MAP3K13: variants seen among roughly 807,000 people sequenced by gnomAD.
MAP3K13 encodes the protein mitogen-activated protein kinase kinase kinase 13, also known as leucine zipper-bearing kinase.
In MAP3K13, 52 loss-of-function variants were observed where a neutral mutation model predicts 104.0. The ratio of observed to expected loss-of-function variants is 0.50; its 90% CI spans 0.40 to 0.63. MAP3K13 has a LOEUF of 0.63. Among genes scored for constraint, MAP3K13 ranks in the 20% least tolerant of loss-of-function variants. The pLI is 0.00. For missense variants in MAP3K13, 914 were observed against 1,218.5 expected (o/e 0.75, Z 3.72); for synonymous variants, 394 against 442.2 (o/e 0.89, Z 1.37).
intron 1 of MAP3K13, among the ~76,000 whole-genome samples, chr3:185,409,154 G>A (rs1215027600): frequency 6.6e-6 from 1 of 152,148 alleles, no homozygotes; most frequent in Non-Finnish European, 1.5e-5. Context: ...GATCACTTGA[G>A]GTCAGGAGTT....
intron 1 of MAP3K13, among the ~76,000 whole-genome samples, chr3:185,374,137 T>G (rs888556194): frequency 3.0e-5 from 2 of 66,500 alleles, no homozygotes; most frequent in African/African-American, 6.2e-5. Context: ...AAGGCTATTT[T>G]CACTCCTTTT....
intron 2 of MAP3K13, among the ~76,000 whole-genome samples, chr3:185,293,760 A>G (rs1015374907): frequency 2.6e-5 from 4 of 152,160 alleles, no homozygotes; most frequent in African/African-American, 9.7e-5. Flanking sequence ...TTTTGGCACT[A>G]ATGCCTTCCT....
At chr3:185,288,456 G>C (rs571336377) in intron 2 of MAP3K13, among the ~76,000 whole-genome samples, 1 of 149,766 alleles carries the variant, frequency 6.7e-6, no homozygotes, top group South Asian at 2.1e-4. Flanking sequence ...AATTTATATA[G>C]AGAGAATATA....
At chr3:185,448,344 T>G (rs1030118863) in intron 5 of MAP3K13, among the ~76,000 whole-genome samples, 1 of 152,194 alleles carries the variant, frequency 6.6e-6, no homozygotes, top group South Asian at 2.1e-4. Flanking sequence ...ATATCAATAA[T>G]GTACCTTGCT....
At chr3:185,316,027 G>A (rs991285840) in intron 2 of MAP3K13, among the ~76,000 whole-genome samples, 15 of 152,156 alleles carry the variant, frequency 9.9e-5, no homozygotes, top group African/African-American at 2.9e-4. Flanking sequence ...GGCAAAGTGC[G>A]TCTTGATTTT....
chr3:185,427,620 A>T (rs1577545105), intron 1 of MAP3K13, among the ~76,000 whole-genome samples: 1 of 152,198 alleles, frequency 6.6e-6, no homozygotes, highest in East Asian at 1.9e-4. Context: ...TATCTCCATG[A>T]CTTAATGAAT....
In MAP3K13 at chr3:185,482,291, G is replaced by T; in HGVS notation, c.2800-64G>T. On this transcript the variant is annotated intron_variant, in intron 13 of 13. Coordinates refer to ENST00000265026, the MANE Select transcript of MAP3K13 (RefSeq NM_004721.5). This position sits in a 1 kb window ranked among gnomAD's most constrained non-coding sequence, Gnocchi z 4.5. ...AAGCACAGTGCCTGTTGTGTGGGAGGTGTTTGACATATATTTACTGAGTGA... is the reference window on the plus strand; with the variant it reads ...AAGCACAGTGCCTGTTGTGTGGGAGTTGTTTGACATATATTTACTGAGTGA... 4 of 1,140,766 alleles carry T rather than the reference G, an allele frequency of 3.5e-6. 1 individual carries two copies. In the South Asian group the frequency reaches 5.0e-5, roughly 14 times the overall value. 70.7% of individuals were successfully genotyped at this position (1,140,766 alleles called of 1,614,324 possible). A position where few individuals can be genotyped will look rare whatever the true frequency, so the allele number is the denominator to read the frequency against.
intron 7 of MAP3K13, among the ~76,000 whole-genome samples, chr3:185,455,672 T>TATATATGAG (rs1716609900): frequency 2.7e-5 from 1 of 36,784 alleles, no homozygotes; most frequent in Non-Finnish European, 6.8e-5. Context: ...ATATATGATA[T>TATATATGAG]ATATATGAGA....
In MAP3K13 at chr3:185,376,643, C is replaced by G. The variant is rs1724445579; in HGVS notation, c.-86+13275C>G. On this transcript the variant is annotated intron_variant, in intron 1 of 13. Coordinates refer to ENST00000265026, the MANE Select transcript of MAP3K13 (RefSeq NM_004721.5). ...GGAAAGGATTTAGGATCTGTGGGGT[C>G]AACTAGGTTTGCTTTTGTGAGTTTA... Among the ~76,000 whole-genome samples the G allele has an allele frequency of 1.3e-5, 2 of 151,556 alleles. 1 individual carries two copies. The highest frequency in any genetic ancestry group is 4.2e-4 in the South Asian group (2 of 4,782).
intron 2 of MAP3K13, among the ~76,000 whole-genome samples, chr3:185,347,051 A>G (rs1382159794): frequency 1.4e-5 from 2 of 147,998 alleles, no homozygotes; most frequent in African/African-American, 2.5e-5. Context: ...CAGTGGCGCA[A>G]TCTCGGCTCA....
rs1338736249 is a variant in MAP3K13 at position 185,423,323 on chromosome 3, A to G, written c.-85-5174A>G. ...GGACTGCTGCTGTATAGGATAACCA[A>G]GAGTCCTGGCAGCCAAGGCAGACCG... On this transcript the variant is annotated intron_variant, in intron 1 of 13. Transcript: ENST00000265026. The surrounding 1 kb of genome is among the most constrained non-coding windows in gnomAD (Gnocchi z 4.1). Among the ~76,000 whole-genome samples the G allele has an allele frequency of 1.3e-5, 2 of 152,194 alleles. No individual in the cohort carries two copies. The highest frequency in any genetic ancestry group is 4.8e-5 in the African/African-American group (2 of 41,446).
At chr3:185,302,426 A>T (rs1221736338) in intron 2 of MAP3K13, among the ~76,000 whole-genome samples, 1 of 152,120 alleles carries the variant, frequency 6.6e-6, no homozygotes, top group Non-Finnish European at 1.5e-5. Flanking sequence ...GTAAATAAAT[A>T]AATTAACAAA....
chr3:185,364,975 G>T (rs1412490236), intron 1 of MAP3K13, among the ~76,000 whole-genome samples: 2 of 152,118 alleles, frequency 1.3e-5, no homozygotes, highest in Admixed American at 1.3e-4. Flanking sequence ...CTACTAGCAC[G>T]AAAGGTCAAA....
chr3:185,298,053 AC>A (rs1230629458), intron 2 of MAP3K13, among the ~76,000 whole-genome samples: 1 of 151,982 alleles, frequency 6.6e-6, no homozygotes, highest in Non-Finnish European at 1.5e-5. Context: ...GTGGCGACGG[AC>A]TACAGGCCTT....
chr3:185,365,588 A>G (rs949284997), intron 1 of MAP3K13, among the ~76,000 whole-genome samples: 14 of 152,194 alleles, frequency 9.2e-5, no homozygotes, highest in African/African-American at 3.1e-4. Flanking sequence ...AAGATGACCA[A>G]TTCTGCCAGG....
intron 1 of MAP3K13, among the ~76,000 whole-genome samples, chr3:185,388,435 G>A (rs1216499540): frequency 1.3e-5 from 2 of 152,096 alleles, no homozygotes; most frequent in African/African-American, 2.4e-5. Context: ...CCAGGAGGCC[G>A]AGGCTGTAGC....
intron 1 of MAP3K13, among the ~76,000 whole-genome samples, chr3:185,414,207 A>T (rs542831333): frequency 1.3e-5 from 2 of 152,336 alleles, no homozygotes; most frequent in Non-Finnish European, 2.9e-5. Flanking sequence ...GGTTGATGTG[A>T]GGATTAGATA....
chr3:185,459,508 T>C (rs1716970134), intron 7 of MAP3K13, among the ~76,000 whole-genome samples: 1 of 152,116 alleles, frequency 6.6e-6, no homozygotes, highest in Non-Finnish European at 1.5e-5. Flanking sequence ...AGTGCAGTGG[T>C]GTGATCTCAG....
chr3:185,403,712 G>A (rs977323893), intron 1 of MAP3K13, among the ~76,000 whole-genome samples: 1 of 152,102 alleles, frequency 6.6e-6, no homozygotes, highest in African/African-American at 2.4e-5. Context: ...TTTCCTCTAT[G>A]GTTTTATTAC....
Sources: allele counts gnomAD v4.1 joint callset (sites outside exome capture counted in the v4.1 genomes callset), GRCh38; gene constraint gnomAD v4.1.1; non-coding constraint Gnocchi (gnomAD v3.1); transcripts MANE v1.5; gene names NCBI Gene and HGNC (gene_info 2026-07-23, HGNC 2026-07-21).